RAB7A: variants seen among roughly 807,000 people sequenced by gnomAD.
RAB7A encodes the protein RAB7A, member RAS oncogene family, also known as ras-related protein Rab-7a.
In RAB7A, 2 loss-of-function variants were observed where a neutral mutation model predicts 24.5. The observed-to-expected ratio is 0.08, with a 90% CI of 0.03 to 0.26. The LOEUF (loss-of-function observed/expected upper bound fraction) is 0.26. Among genes scored for constraint, RAB7A ranks in the 10% least tolerant of loss-of-function variants. The pLI is 1.00. For missense variants in RAB7A, 118 were observed against 255.7 expected (o/e 0.46, Z 3.67); for synonymous variants, 100 against 95.9 (o/e 1.04, Z -0.25).
chr3:128,732,934 C>T (rs1379367786), intron 1 of RAB7A, among the ~76,000 whole-genome samples: 1 of 152,154 alleles, frequency 6.6e-6, no homozygotes, highest in Non-Finnish European at 1.5e-5. Flanking sequence ...CTAGTAGACA[C>T]TGAATGATGA....
chr3:128,810,685 C>G (rs1373832062), intron 5 of RAB7A, among the ~76,000 whole-genome samples: 1 of 152,212 alleles, frequency 6.6e-6, no homozygotes, highest in Non-Finnish European at 1.5e-5. Context: ...CTCATTTAAC[C>G]TTCATTCCTT....
chr3:128,790,656 A>G (rs1449605240), intron 1 of RAB7A, among the ~76,000 whole-genome samples: 1 of 152,104 alleles, frequency 6.6e-6, no homozygotes, highest in Non-Finnish European at 1.5e-5. Flanking sequence ...TTGCCACTGA[A>G]TTTTATAATG....
intron 2 of RAB7A, 152 bp downstream of exon 2, chr3:128,795,572 C>T (rs1195734566): frequency 9.4e-6 from 7 of 747,148 alleles, no homozygotes; most frequent in Non-Finnish European, 1.2e-5. Context: ...TAGATGATCC[C>T]TTGTTATATA....
chr3:128,809,628 G>T (rs1933875881), intron 5 of RAB7A, among the ~76,000 whole-genome samples: 1 of 152,188 alleles, frequency 6.6e-6, no homozygotes, highest in Non-Finnish European at 1.5e-5. Context: ...GTCATTTTAA[G>T]TTTCTATGTT....
At chr3:128,811,595 A>G (rs186215658) in intron 5 of RAB7A, among the ~76,000 whole-genome samples, 2 of 152,352 alleles carry the variant, frequency 1.3e-5, no homozygotes, top group East Asian at 3.9e-4. Flanking sequence ...CATGCCTAAA[A>G]TCACAGCACT....
intron 1 of RAB7A, among the ~76,000 whole-genome samples, chr3:128,743,849 G>T (rs1357605742): frequency 6.6e-6 from 1 of 150,720 alleles, no homozygotes; most frequent in Non-Finnish European, 1.5e-5. Flanking sequence ...GAGTGTAGTG[G>T]CATGATTTCG....
At chr3:128,803,087 G>A (rs144274543) in intron 3 of RAB7A, among the ~76,000 whole-genome samples, 2,103 of 152,298 alleles carry the variant, frequency 0.014, 45 homozygotes, top group African/African-American at 0.048. Flanking sequence ...TGGGATTACA[G>A]GCATGAGCCA....
intron 1 of RAB7A, among the ~76,000 whole-genome samples, chr3:128,754,793 T>G (rs949222511): frequency 1.3e-5 from 2 of 152,142 alleles, no homozygotes; most frequent in African/African-American, 2.4e-5. Flanking sequence ...CAAAAAAGTT[T>G]ACGAGACAAA....
Position 128,806,558 on chromosome 3 carries a change from T to C in RAB7A, c.367T>C (p.Leu123=). 2 of 1,614,126 alleles carry C rather than the reference T, an allele frequency of 1.2e-6. No individual in the cohort carries two copies. The highest frequency in any genetic ancestry group is 8.5e-7 in the Non-Finnish European group (1 of 1,180,006). ...RDPENFPFVV[L]GNKIDLENRQ... ...TCCTGAAAACTTCCCATTTGTTGTG[T>C]TGGGAAACAAGATTGACCTCGAAAA... is the stretch of plus-strand genomic sequence containing the variant. The change falls in exon 4 of 6, where the codon TTG becomes CTG. Residue 123 remains leucine, a synonymous_variant. Transcript: ENST00000265062.
chr3:128,768,922 G>T (rs899804582), intron 1 of RAB7A, among the ~76,000 whole-genome samples: 3 of 135,988 alleles, frequency 2.2e-5, no homozygotes, highest in Non-Finnish European at 4.7e-5. Flanking sequence ...TTACAGAACC[G>T]TTTCTTTTCT....
chr3:128,776,268 GT>G (rs781748654), intron 1 of RAB7A, among the ~76,000 whole-genome samples: 2 of 149,450 alleles, frequency 1.3e-5, no homozygotes, highest in Non-Finnish European at 3.0e-5. Flanking sequence ...ATATGCCACG[GT>G]TTTTTTTTTC....
chr3:128,769,899 G>A (rs553562070), intron 1 of RAB7A, among the ~76,000 whole-genome samples: 1 of 152,178 alleles, frequency 6.6e-6, no homozygotes, highest in East Asian at 1.9e-4. Flanking sequence ...TAAAGCAGAG[G>A]GTAGTTCCTT....
intron 1 of RAB7A, among the ~76,000 whole-genome samples, chr3:128,733,385 T>G (rs2070457132): frequency 6.6e-6 from 1 of 152,240 alleles, no homozygotes; most frequent in Admixed American, 6.5e-5. Context: ...TAACTGGAGT[T>G]TCCATTGCTC....
At chr3:128,791,837 T>A (rs1933460746) in intron 1 of RAB7A, among the ~76,000 whole-genome samples, 1 of 152,144 alleles carries the variant, frequency 6.6e-6, no homozygotes, top group Admixed American at 6.5e-5. Flanking sequence ...CCATCTTCTG[T>A]ATGGACTCTT....
chr3:128,756,241 G>T (rs2070728285), intron 1 of RAB7A, among the ~76,000 whole-genome samples: 1 of 151,962 alleles, frequency 6.6e-6, no homozygotes, highest in Non-Finnish European at 1.5e-5. Flanking sequence ...GAGGTGGGAG[G>T]CTGAGGCAGG....
intron 1 of RAB7A, among the ~76,000 whole-genome samples, chr3:128,769,197 A>C (rs1458692342): frequency 2.0e-5 from 3 of 151,432 alleles, no homozygotes; most frequent in Non-Finnish European, 4.4e-5. Flanking sequence ...CCCGGCCCAG[A>C]ACATTTTCAT....
intron 1 of RAB7A, among the ~76,000 whole-genome samples, chr3:128,737,531 A>C (rs1320033890): frequency 6.6e-6 from 1 of 151,598 alleles, no homozygotes; most frequent in Non-Finnish European, 1.5e-5. Flanking sequence ...TTTTTGATAG[A>C]GATGGGATTT....
At chr3:128,759,257 C>T (rs780439325) in intron 1 of RAB7A, among the ~76,000 whole-genome samples, 6 of 152,142 alleles carry the variant, frequency 3.9e-5, no homozygotes, top group Non-Finnish European at 8.8e-5. Flanking sequence ...GTATTAGCTC[C>T]TCATAATGTG....
chr3:128,733,909 A>C (rs1020822151), intron 1 of RAB7A, among the ~76,000 whole-genome samples: 6 of 152,210 alleles, frequency 3.9e-5, no homozygotes, highest in Non-Finnish European at 5.9e-5. Flanking sequence ...TTCCACCAGC[A>C]GTATATAAGA....
Sources: gnomAD v4.1 joint callset for allele counts (sites outside exome capture counted in the v4.1 genomes callset) on GRCh38, gnomAD v4.1.1 for gene constraint, MANE v1.5 for transcripts, NCBI Gene and HGNC (gene_info 2026-07-23, HGNC 2026-07-21) for gene names.